TRPM2: variants seen among roughly 807,000 people sequenced by gnomAD.
TRPM2 encodes estrogen-responsive element-associated gene 1 protein.
A neutral mutation model predicts 174.0 loss-of-function variants in TRPM2; 161 were observed. The observed-to-expected ratio is 0.93, with a 90% CI of 0.81 to 1.05. The LOEUF (loss-of-function observed/expected upper bound fraction) is 1.05. TRPM2 is among the 50% of genes least tolerant of loss of function. The pLI is 0.00. For missense variants in TRPM2, 2,057 were observed against 2,038.0 expected (o/e 1.01, Z -0.18); for synonymous variants, 954 against 861.3 (o/e 1.11, Z -1.88).
At chr21:44,352,825 T>G (rs1300939847), upstream of TRPM2, among the ~76,000 whole-genome samples, 3 of 152,200 alleles carry the variant, frequency 2.0e-5, no homozygotes, top group African/African-American at 7.2e-5. Context: ...AATTATTGTC[T>G]TTTTCCTGGA....
intron 5 of TRPM2, among the ~76,000 whole-genome samples, chr21:44,372,715 G>C (rs978200241): frequency 2.6e-5 from 4 of 152,132 alleles, no homozygotes; most frequent in Non-Finnish European, 1.5e-5. Context: ...TTCCCAATGG[G>C]GGAACACGGG....
intron 27 of TRPM2, among the ~76,000 whole-genome samples, 160 bp from the exon 28 acceptor site, chr21:44,434,971 T>A (rs941557271): frequency 6.6e-6 from 1 of 152,060 alleles, no homozygotes; most frequent in Non-Finnish European, 1.5e-5. Context: ...CCCAAAGGGA[T>A]CCTACTCCCT....
At chr21:44,436,978 C>G (rs2051293633) in intron 28 of TRPM2, 84 bp from the exon 29 acceptor site, 11 of 1,259,842 alleles carry the variant, frequency 8.7e-6, no homozygotes, top group Admixed American at 2.1e-5. Context: ...CTGCCCCGCC[C>G]CAGGCAGGGC....
rs1366461305 is a variant in TRPM2, at chr21:44,382,723, A to G, written c.1221A>G (p.Gln407=). The change falls in exon 9 of 32, where the codon CAA becomes CAG. Residue 407 remains glutamine, a synonymous_variant. Coordinates refer to ENST00000397928, the MANE Select transcript of TRPM2 (RefSeq NM_003307.4). The stretch of plus-strand genomic sequence containing the variant: ...TTAGAAAATGCTTGTTGCAGATCCA[A>G]GATATCGTCCGGAGGCGGCAGCTGC... The part of the protein sequence containing the change: ...SRIVEWTKKI[Q]DIVRRRQLLT... 6.2e-6 allele frequency: 10 copies of G among 1,613,930 alleles called. No individual in the cohort carries two copies. Among genetic ancestry groups the G allele is most frequent in the Non-Finnish European group, 8.5e-6 (10 of 1,179,930 alleles).
At chr21:44,362,515 GA>G (rs57444178) in intron 2 of TRPM2, among the ~76,000 whole-genome samples, 9,181 of 136,108 alleles carry the variant, frequency 0.067, 931 homozygotes, top group African/African-American at 0.23. Context: ...TCCATTTCAA[GA>G]AAAAAAAAAA....
chr21:44,435,284 C>G (rs963301217), intron 28 of TRPM2, 67 bp downstream of exon 28: 4 of 1,556,616 alleles, frequency 2.6e-6, no homozygotes, highest in African/African-American at 2.7e-5. Flanking sequence ...CAAGGGGCGG[C>G]TGCCATTGCC....
chr21:44,402,424 C>T (rs917455743), intron 16 of TRPM2, among the ~76,000 whole-genome samples: 1 of 152,202 alleles, frequency 6.6e-6, no homozygotes, highest in African/African-American at 2.4e-5. Flanking sequence ...GTGTGGGTGG[C>T]ACTCCATCCT....
intron 29 of TRPM2, among the ~76,000 whole-genome samples, chr21:44,437,959 G>A (rs1312911463): frequency 6.6e-6 from 1 of 152,260 alleles, no homozygotes; most frequent in Non-Finnish European, 1.5e-5. Flanking sequence ...GGGAGTCTGT[G>A]ACTTACAACA....
chr21:44,417,053 C>A (rs2050314460), intron 20 of TRPM2, among the ~76,000 whole-genome samples: 1 of 117,518 alleles, frequency 8.5e-6, no homozygotes, highest in African/African-American at 3.5e-5. Flanking sequence ...GCTCTGCTCT[C>A]TGTGGCATCA....
chr21:44,351,027 A>C (rs969996740), upstream of TRPM2, among the ~76,000 whole-genome samples: 1 of 151,928 alleles, frequency 6.6e-6, no homozygotes, highest in African/African-American at 2.4e-5. Flanking sequence ...CAGAGAGGGC[A>C]GGGAGGCCAC....
intron 24 of TRPM2, 197 bp downstream of exon 24, chr21:44,425,136 A>G: frequency 1.7e-6 from 1 of 578,562 alleles, no homozygotes; most frequent in South Asian, 2.2e-5. Flanking sequence ...GCCCCGCCCA[A>G]TCCCTGACCT....
At chr21:44,363,197 T>G (rs902190380) in intron 2 of TRPM2, among the ~76,000 whole-genome samples, 1 of 152,250 alleles carries the variant, frequency 6.6e-6, no homozygotes, top group Non-Finnish European at 1.5e-5. Flanking sequence ...GGTTTATGTC[T>G]TTTTTGTCAA....
chr21:44,426,891 T>C, intron 26 of TRPM2, 119 bp from the exon 27 acceptor site: 1 of 1,335,540 alleles, frequency 7.5e-7, no homozygotes, highest in East Asian at 2.5e-5. Context: ...CCTACTGTTG[T>C]GTACACCCAG....
intron 27 of TRPM2, among the ~76,000 whole-genome samples, chr21:44,433,533 G>A (rs1215154932): frequency 6.6e-6 from 1 of 152,216 alleles, no homozygotes; most frequent in Non-Finnish European, 1.5e-5. Flanking sequence ...CGGGGTGGAC[G>A]GGAGTGAGAG....
At chr21:44,352,189 C>T (rs1247950510), upstream of TRPM2, among the ~76,000 whole-genome samples, 1 of 152,262 alleles carries the variant, frequency 6.6e-6, no homozygotes, top group Non-Finnish European at 1.5e-5. Flanking sequence ...GGGGACAGCT[C>T]ATGGCCCTGG....
chr21:44,408,553 G>A (rs982020901), intron 19 of TRPM2, among the ~76,000 whole-genome samples: 3 of 151,220 alleles, frequency 2.0e-5, no homozygotes, highest in East Asian at 1.9e-4. Context: ...TCGCTTTGAC[G>A]GGCATTTCTC....
Position 44,371,697 on chromosome 21 carries a change from A to C in TRPM2, c.771+2354A>C, listed in dbSNP as rs148221655. Reference sequence around the variant, plus strand: ...CTGACATCTGCAAAGATGCTTTTCCAAACAAGGAAATGAGGAGCAGCACTT... The same window carrying C: ...CTGACATCTGCAAAGATGCTTTTCCCAACAAGGAAATGAGGAGCAGCACTT... On this transcript the variant is annotated intron_variant, in intron 5 of 31. Transcript: ENST00000397928. 4.1e-3 allele frequency among the ~76,000 whole-genome samples: 631 copies of C among 152,306 alleles called. 1 individual carries two copies. Among genetic ancestry groups the C allele is most frequent in the African/African-American group, 0.014 (583 of 41,564 alleles).
chr21:44,418,663 C>A, intron 22 of TRPM2, 108 bp downstream of exon 22: 4 of 1,401,474 alleles, frequency 2.9e-6, no homozygotes, highest in Non-Finnish European at 4.0e-6. Context: ...AGCAATGCCT[C>A]ACCGGTGAGG....
At chr21:44,383,436 G>T (rs1206568408) in intron 9 of TRPM2, among the ~76,000 whole-genome samples, 6 of 152,212 alleles carry the variant, frequency 3.9e-5, no homozygotes, top group Admixed American at 3.3e-4. Context: ...GAGGCCCCAG[G>T]CTGATTCTGA....
Sources: allele counts gnomAD v4.1 joint callset (sites outside exome capture counted in the v4.1 genomes callset), GRCh38; gene constraint gnomAD v4.1.1; transcripts MANE v1.5; gene names NCBI Gene and HGNC (gene_info 2026-07-23, HGNC 2026-07-21).